PTPRB: variants seen among roughly 807,000 people sequenced by gnomAD.
PTPRB encodes the protein protein tyrosine phosphatase receptor type B.
A neutral mutation model predicts 238.1 loss-of-function variants in PTPRB; 97 were observed. The ratio of observed to expected loss-of-function variants is 0.41; its 90% CI spans 0.35 to 0.48. The LOEUF is 0.48. Ranked by LOEUF, PTPRB falls within the 20% of genes least tolerant of loss-of-function variation. PTPRB has a pLI of 0.30. For synonymous variants in PTPRB, 970 were observed against 995.4 expected, an observed-to-expected ratio of 0.97 and a Z score of 0.48; for missense variants, 2,292 against 2,681.9, an observed-to-expected ratio of 0.85 and a Z score of 3.21.
chr12:70,545,214 G>C (rs1875784146), intron 21 of PTPRB, among the ~76,000 whole-genome samples: 1 of 152,210 alleles, frequency 6.6e-6, no homozygotes, highest in Non-Finnish European at 1.5e-5. Flanking sequence ...CTACTAACAT[G>C]AGGGAAAACT....
intron 17 of PTPRB, 94 bp from the exon 18 acceptor site, chr12:70,559,718 T>G (rs1565942861): frequency 1.7e-6 from 2 of 1,206,890 alleles, no homozygotes; most frequent in Non-Finnish European, 1.2e-6. Flanking sequence ...ACACTTTTAA[T>G]GTACTTTGTA....
rs375038600 is a variant in PTPRB at position 70,594,660 on chromosome 12, G to C, written c.1323C>G (p.Ser441=). 2 of 1,613,824 alleles carry C rather than the reference G, an allele frequency of 1.2e-6. No individual in the cohort carries two copies. Among genetic ancestry groups the C allele is most frequent in the Admixed American group, 1.7e-5 (1 of 59,986 alleles). Residue 441 remains serine, a synonymous_variant, in exon 6 of 34, where the codon TCC becomes TCG. Transcript: ENST00000334414. The stretch of plus-strand genomic sequence containing the variant: ...ATCGTTCCACATTCCCAGAACCATG[G>C]GACCAGGAAATCAGGAGAGAATTGG... The part of the protein sequence containing the change: ...TKANSLLISW[S]HGSGNVERYR...
At chr12:70,523,439 T>C (rs1013338390) in intron 33 of PTPRB, among the ~76,000 whole-genome samples, 3 of 152,256 alleles carry the variant, frequency 2.0e-5, no homozygotes, top group South Asian at 2.1e-4. Context: ...GTAGGAGAAA[T>C]ACAGGGTCAC....
At chr12:70,621,757 A>T (rs10506597) in intron 3 of PTPRB, among the ~76,000 whole-genome samples, 7,185 of 152,250 alleles carry the variant, frequency 0.047, 551 homozygotes, top group African/African-American at 0.16. Flanking sequence ...CTATAATTAC[A>T]TGTATTGCCT....
intron 32 of PTPRB, among the ~76,000 whole-genome samples, chr12:70,526,871 A>G (rs1240163118): frequency 6.6e-6 from 1 of 152,206 alleles, no homozygotes; most frequent in African/African-American, 2.4e-5. Context: ...TTTAACAATG[A>G]TTCACCGTGG....
At chr12:70,633,529 G>A (rs1238447304) in intron 2 of PTPRB, among the ~76,000 whole-genome samples, 1 of 151,716 alleles carries the variant, frequency 6.6e-6, no homozygotes. Context: ...ATATCTGTTA[G>A]CTTATAATTG....
At chr12:70,546,067 G>A (rs1007092270) in intron 21 of PTPRB, among the ~76,000 whole-genome samples, 1 of 151,658 alleles carries the variant, frequency 6.6e-6, no homozygotes, top group African/African-American at 2.4e-5. Context: ...AACATGGGAG[G>A]TGGAGGCTGC....
Position 70,635,852 on chromosome 12 carries a change from T to C in PTPRB, c.270A>G (p.Ala90=). The C allele has an allele frequency of 6.2e-7, 1 of 1,613,534 alleles. No individual in the cohort carries two copies. ...RSAILDRCSQ[A]PRWTCYDQEG... is the part of the protein sequence containing the mutation. ...CCTGATCATAGCAGGTCCATCGGGG[T>C]GCCTGGGAACAGCGGTCCAAGATGG... The change falls in exon 2 of 34, where the codon GCA becomes GCG. Residue 90 remains alanine (A), a synonymous_variant. Transcript: ENST00000334414.
intron 10 of PTPRB, among the ~76,000 whole-genome samples, chr12:70,579,629 G>A (rs1352515511): frequency 6.6e-6 from 1 of 150,770 alleles, no homozygotes; most frequent in Non-Finnish European, 1.5e-5. Context: ...CCAGGGAGTC[G>A]GAGGTTGCAG....
At chr12:70,622,675 A>G in intron 2 of PTPRB, 29 bp from the exon 3 acceptor site, 1 of 1,522,342 alleles carries the variant, frequency 6.6e-7, no homozygotes, top group African/African-American at 1.4e-5. Flanking sequence ...AGTTGCAAAG[A>G]TTATTCTCAT....
At chr12:70,550,025 T>C (rs945222683) in intron 21 of PTPRB, among the ~76,000 whole-genome samples, 2 of 152,190 alleles carry the variant, frequency 1.3e-5, no homozygotes, top group African/African-American at 4.8e-5. Context: ...TGTTGGACTG[T>C]GAGTTCTTGC....
At chr12:70,596,391 A>C in intron 4 of PTPRB, 64 bp from the exon 5 acceptor site, 1 of 1,313,648 alleles carries the variant, frequency 7.6e-7, no homozygotes, top group Non-Finnish European at 9.7e-7. Flanking sequence ...AAAAAAGAAC[A>C]TGGCTTGAAG....
In PTPRB at chr12:70,538,168, G is replaced by T. The variant is rs922868215; in HGVS notation, c.5933C>A (p.Ala1978Asp). The part of the protein sequence containing the change: ...DDDPCSDYIN[A>D]SYIPGNNFRR... Reference sequence around the variant, plus strand: ...TGGGTCACTTACAGGGATGTAGCTGGCATTGATGTAGTCAGAGCAAGGATC... The same window carrying T: ...TGGGTCACTTACAGGGATGTAGCTGTCATTGATGTAGTCAGAGCAAGGATC... Residue 1978 changes from alanine (A) to aspartate (D), a missense_variant, in exon 28 of 34, where the codon GCC (alanine) becomes GAC (aspartate). Coordinates refer to ENST00000334414, the MANE Select transcript of PTPRB (RefSeq NM_001109754.4). 1 of 1,613,394 alleles carries T rather than the reference G, an allele frequency of 6.2e-7. No individual in the cohort carries two copies. The highest frequency in any genetic ancestry group is 8.5e-7 in the Non-Finnish European group (1 of 1,179,606).
intron 26 of PTPRB, chr12:70,539,401 T>C (rs2136248970): frequency 1.8e-6 from 1 of 571,112 alleles, no homozygotes; most frequent in East Asian, 2.8e-5. Flanking sequence ...CTGATCCAGG[T>C]AGCCCTTGGT....
intron 3 of PTPRB, among the ~76,000 whole-genome samples, chr12:70,610,383 G>A (rs1283809652): frequency 1.3e-5 from 2 of 148,504 alleles, no homozygotes; most frequent in Non-Finnish European, 3.0e-5. Context: ...CACTTTCCAG[G>A]CCCCCACCCC....
chr12:70,534,406 C>T (rs1873768139), intron 31 of PTPRB, 82 bp downstream of exon 31: 1 of 1,481,804 alleles, frequency 6.7e-7, no homozygotes, highest in Non-Finnish European at 9.1e-7. Context: ...CACCAAATTC[C>T]CCATGCTTAT....
At position 70,635,585 on chromosome 12, in the gene PTPRB, A is replaced by AAAACAAAC. The variant is rs143061370; in HGVS notation, c.451+78_451+85dup. ...GGGCATGTGGACTTCCCTTAAATGTAAAACAAACAAACAAACAAACAAACA... is the reference window on the plus strand; with the variant it reads ...GGGCATGTGGACTTCCCTTAAATGTAAAACAAACAAACAAACAAACAAACAAACAAACA... On this transcript the variant is annotated intron_variant, in intron 2 of 33. Transcript: ENST00000334414. The AAAACAAAC allele has an allele frequency of 4.3e-4, 622 of 1,433,116 alleles. No homozygotes were observed. The East Asian group carries it at 4.9e-3, about 11-fold the overall frequency. 88.8% of individuals were successfully genotyped at this position (1,433,116 alleles called of 1,614,324 possible).
chr12:70,540,934 C>A lies in PTPRB; in HGVS notation c.5518G>T (p.Gly1840Cys). 1 of 1,605,410 alleles carries A rather than the reference C, an allele frequency of 6.2e-7. No individual in the cohort carries two copies. Residue 1840 changes from glycine (G) to cysteine (C), a missense_variant, in exon 23 of 34, where the codon GGT (glycine) becomes TGT (cysteine). Coordinates refer to ENST00000334414, the MANE Select transcript of PTPRB (RefSeq NM_001109754.4). Reference sequence around the variant, plus strand: ...ATTAAAAACAGACCAGCACTCACACCTTCAATAGCTCCAAACAAGGGCTCT... The same window carrying A: ...ATTAAAAACAGACCAGCACTCACACATTCAATAGCTCCAAACAAGGGCTCT... ...ESEPLFGAIE[G>C]VSAGLFLIGM...
At chr12:70,544,800 C>A in intron 21 of PTPRB, 137 bp from the exon 22 acceptor site, 1 of 530,292 alleles carries the variant, frequency 1.9e-6, no homozygotes, top group Non-Finnish European at 3.3e-6. Context: ...ATCGGATAGA[C>A]CTGGGTTCAT....
Sources: gnomAD v4.1 joint callset for allele counts (sites outside exome capture counted in the v4.1 genomes callset) on GRCh38, gnomAD v4.1.1 for gene constraint, MANE v1.5 for transcripts, NCBI Gene and HGNC (gene_info 2026-07-23, HGNC 2026-07-21) for gene names.